The following SMARCAD1 variants were observed in gnomAD, a reference collection of about 807,000 sequenced individuals.
The protein encoded by SMARCAD1 is SNF2 related chromatin remodeling ATPase with DExD box 1, also known as SWI/SNF-related matrix-associated actin-dependent regulator of chromatin subfamily A containing DEAD/H box 1.
In SMARCAD1, 25 loss-of-function variants were observed where a neutral mutation model predicts 127.1. The ratio of observed to expected loss-of-function variants is 0.20; its 90% CI spans 0.14 to 0.27. The LOEUF (loss-of-function observed/expected upper bound fraction) is 0.27, where lower values mean the gene tolerates loss of function less well. Ranked by LOEUF, SMARCAD1 falls within the 10% of genes least tolerant of loss-of-function variation. The probability of loss-of-function intolerance (pLI) is 1.00; values close to 1 mark genes in which losing one functional copy is unlikely to be tolerated. For missense variants in SMARCAD1, 807 were observed against 1,206.0 expected, an observed-to-expected ratio of 0.67 and a Z score of 4.90; for synonymous variants, 400 against 396.9, an observed-to-expected ratio of 1.01 and a Z score of -0.09.
intron 2 of SMARCAD1, among the ~76,000 whole-genome samples, chr4:94,211,496 A>G (rs1345146517): frequency 6.6e-6 from 1 of 152,196 alleles, no homozygotes; most frequent in African/African-American, 2.4e-5. Context: ...ATCATGTGGT[A>G]ACTTTTCATA....
intron 9 of SMARCAD1, chr4:94,253,474 TCAC>T: frequency 8.7e-7 from 1 of 1,151,684 alleles, no homozygotes; most frequent in Non-Finnish European, 1.1e-6. Context: ...GTTTTATGCT[TCAC>T]CACAAAAGAA....
At chr4:94,220,372 C>A (rs1309042198) in intron 2 of SMARCAD1, among the ~76,000 whole-genome samples, 1 of 152,104 alleles carries the variant, frequency 6.6e-6, no homozygotes, top group Admixed American at 6.6e-5. Context: ...CTCAGCCTCC[C>A]TAGTAGCTGG....
intron 11 of SMARCAD1, among the ~76,000 whole-genome samples, chr4:94,271,998 A>G (rs557687444): frequency 2.0e-5 from 3 of 152,356 alleles, no homozygotes; most frequent in South Asian, 4.1e-4. Context: ...CTTAAACAAC[A>G]GAAATTTGTT....
Position 94,280,657 on chromosome 4 carries a change from C to T in SMARCAD1, c.2484C>T (p.Phe828=), listed in dbSNP as rs755185457. 2.0e-5 allele frequency: 33 copies of T among 1,613,614 alleles called. No individual in the cohort carries two copies. In the South Asian group the frequency reaches 2.6e-4, roughly 13 times the overall value. Residue 828 remains phenylalanine, a synonymous_variant, in exon 20 of 24, where the codon TTC becomes TTT. Transcript: ENST00000354268. ...AAGATATGGAAGTTATGACAGACTT[C>T]GAACTACATGTACTTTGTAAACAGT... is the stretch of plus-strand genomic sequence containing the variant. ...IFEDMEVMTD[F]ELHVLCKQYR... is the part of the protein sequence containing the mutation.
intron 4 of SMARCAD1, among the ~76,000 whole-genome samples, chr4:94,236,590 C>T (rs771022843): frequency 5.9e-5 from 9 of 151,982 alleles, no homozygotes; most frequent in Non-Finnish European, 1.3e-4. Flanking sequence ...CATACACAAA[C>T]GTGAGCATGC....
chr4:94,221,142 T>C (rs1744056771), intron 2 of SMARCAD1, among the ~76,000 whole-genome samples: 1 of 152,240 alleles, frequency 6.6e-6, no homozygotes, highest in South Asian at 2.1e-4. Flanking sequence ...TTTGGAAAAC[T>C]AGTGTCCATG....
At chr4:94,271,601 T>TC (rs1290767273) in intron 11 of SMARCAD1, among the ~76,000 whole-genome samples, 1 of 152,236 alleles carries the variant, frequency 6.6e-6, no homozygotes, top group Non-Finnish European at 1.5e-5. Flanking sequence ...TAAGATATTT[T>TC]CCCATATATA....
At chr4:94,267,062 T>C (rs1298197034) in intron 10 of SMARCAD1, among the ~76,000 whole-genome samples, 2 of 128,586 alleles carry the variant, frequency 1.6e-5, no homozygotes, top group Non-Finnish European at 3.4e-5. Flanking sequence ...AGTTAATTAA[T>C]CTATAATTTA....
At chr4:94,286,264 CTCTT>C (rs759825594) in intron 23 of SMARCAD1, among the ~76,000 whole-genome samples, 40 of 152,252 alleles carry the variant, frequency 2.6e-4, no homozygotes, top group Non-Finnish European at 5.1e-4. Flanking sequence ...TTTCAGCAGC[CTCTT>C]TCTTCTCTTC....
chr4:94,275,207 A>G (rs184251914), intron 14 of SMARCAD1, among the ~76,000 whole-genome samples: 33 of 152,310 alleles, frequency 2.2e-4, no homozygotes, highest in Admixed American at 1.6e-3. Context: ...AGTTATTGAA[A>G]AAAGTCGTCT....
At chr4:94,215,183 G>A (rs1160129406) in intron 2 of SMARCAD1, among the ~76,000 whole-genome samples, 1 of 152,152 alleles carries the variant, frequency 6.6e-6, no homozygotes, top group Non-Finnish European at 1.5e-5. Context: ...CGTTAAACCT[G>A]TAGATAGTCA....
At chr4:94,221,389 A>G (rs1744104333) in intron 2 of SMARCAD1, among the ~76,000 whole-genome samples, 1 of 152,232 alleles carries the variant, frequency 6.6e-6, no homozygotes, top group South Asian at 2.1e-4. Flanking sequence ...TCCAGTTTCC[A>G]CATTGCAAAT....
At chr4:94,262,967 G>A (rs1002858299) in intron 9 of SMARCAD1, among the ~76,000 whole-genome samples, 3 of 151,336 alleles carry the variant, frequency 2.0e-5, no homozygotes, top group Non-Finnish European at 2.9e-5. Context: ...AACTTTTAAG[G>A]TCTTAAATTA....
chr4:94,263,612 C>T (rs1579265771), intron 9 of SMARCAD1, among the ~76,000 whole-genome samples: 1 of 152,010 alleles, frequency 6.6e-6, no homozygotes, highest in East Asian at 1.9e-4. Flanking sequence ...CTTAGTATAT[C>T]CAAAAAGCAC....
At chr4:94,235,229 CTTTTTTTTTTTTTTTTTT>C (rs35123705) in intron 4 of SMARCAD1, among the ~76,000 whole-genome samples, 4 of 39,254 alleles carry the variant, frequency 1.0e-4, no homozygotes, top group South Asian at 2.1e-3. Context: ...ACCACCAATC[CTTTTTTTTTTTTTTTTTT>C]TTTTTTTTTT....
chr4:94,248,413 G>C lies in SMARCAD1; in HGVS notation c.706-1241G>C, dbSNP rs1014388146. ...GCAGTGGTCTAGAGTTAGATACTTG[G>C]ATCTGTTCCCTCCTCAGCTGGTTGT... On this transcript the variant is annotated intron_variant, in intron 6 of 23. Coordinates refer to ENST00000354268, the MANE Select transcript of SMARCAD1 (RefSeq NM_020159.5). The C allele has an allele frequency of 3.1e-5, 14 of 454,888 alleles. No homozygotes were observed. In the East Asian group the frequency reaches 9.0e-4, roughly 29 times the overall value. 28.2% of individuals were successfully genotyped at this position (454,888 alleles called of 1,614,324 possible).
intron 2 of SMARCAD1, among the ~76,000 whole-genome samples, chr4:94,212,860 T>A (rs933600070): frequency 6.6e-6 from 1 of 152,118 alleles, no homozygotes; most frequent in Admixed American, 6.5e-5. Flanking sequence ...AAGCTTCTTT[T>A]GGTACAGGAC....
chr4:94,244,958 C>A (rs3113867), intron 6 of SMARCAD1, among the ~76,000 whole-genome samples: 1 of 152,056 alleles, frequency 6.6e-6, no homozygotes, highest in African/African-American at 2.4e-5. Flanking sequence ...TTGCTGTTAT[C>A]TAAGGCAGGG....
chr4:94,233,938 CTA>C lies in SMARCAD1; in HGVS notation c.369-15_369-14del, dbSNP rs1746247327. The C allele has an allele frequency of 3.1e-6, 5 of 1,613,088 alleles. No individual in the cohort carries two copies. The African/African-American group carries it at 6.7e-5, about 22-fold the overall frequency. ...TACATTAAAAATGTTTTTTGCTCCT[CTA>C]AAAATATTTTTAGTTCTGAGCCATC... On this transcript the variant is annotated splice_polypyrimidine_tract_variant and intron_variant, in intron 3 of 23. Transcript: ENST00000354268.
Sources: gnomAD v4.1 joint callset for allele counts (sites outside exome capture counted in the v4.1 genomes callset) on GRCh38, gnomAD v4.1.1 for gene constraint, MANE v1.5 for transcripts, NCBI Gene and HGNC (gene_info 2026-07-23, HGNC 2026-07-21) for gene names.